ATF7IP: variants seen among roughly 807,000 people sequenced by gnomAD.
ATF7IP encodes the protein activating transcription factor 7-interacting protein 1.
ATF7IP carries 23 observed loss-of-function variants against 106.4 expected under a neutral mutation model. The observed-to-expected ratio is 0.22, with a 90% CI of 0.16 to 0.31. ATF7IP has a LOEUF of 0.31. Ranked by LOEUF, ATF7IP falls within the 10% of genes least tolerant of loss-of-function variation. The pLI, the probability that ATF7IP is intolerant of heterozygous loss-of-function variation, is 1.00. For missense variants in ATF7IP, 1,334 were observed against 1,524.3 expected, an observed-to-expected ratio of 0.88 and a Z score of 2.08; for synonymous variants, 542 against 539.0, an observed-to-expected ratio of 1.01 and a Z score of -0.08.
chr12:14,473,286 C>CTGTATG (rs766915991), intron 10 of ATF7IP, among the ~76,000 whole-genome samples: 1 of 53,748 alleles, frequency 1.9e-5, no homozygotes, highest in East Asian at 5.0e-4. Flanking sequence ...CTCTCTCTCT[C>CTGTATG]TCTCTGTGTG....
At chr12:14,438,556 A>G (rs534177396) in intron 5 of ATF7IP, among the ~76,000 whole-genome samples, 11 of 152,290 alleles carry the variant, frequency 7.2e-5, no homozygotes, top group Admixed American at 4.6e-4. Flanking sequence ...AATCTGTTCT[A>G]TGCCTTTACT....
In ATF7IP at chr12:14,478,599, T is replaced by C. The variant is rs564396145; in HGVS notation, c.3097+127T>C. 4 of 1,078,118 alleles carry C rather than the reference T, an allele frequency of 3.7e-6. No individual in the cohort carries two copies. The South Asian group carries it at 6.9e-5, about 19-fold the overall frequency. 66.8% of individuals were successfully genotyped at this position (1,078,118 alleles called of 1,614,324 possible). Reference sequence around the variant, plus strand: ...TTGTTAATTTGAGGACTACAGTGCATGTCCTTTTGAAGGCAGTATAACTTA... The same window carrying C: ...TTGTTAATTTGAGGACTACAGTGCACGTCCTTTTGAAGGCAGTATAACTTA... On this transcript the variant is annotated intron_variant, in intron 12 of 14. Coordinates refer to ENST00000261168, the MANE Select transcript of ATF7IP (RefSeq NM_018179.5).
chr12:14,477,035 A>G (rs1944284813), intron 11 of ATF7IP, among the ~76,000 whole-genome samples: 1 of 152,214 alleles, frequency 6.6e-6, no homozygotes, highest in South Asian at 2.1e-4. Flanking sequence ...GATTTAAGAT[A>G]TAAAGTATTT....
At chr12:14,368,983 T>C (rs926287305) in intron 1 of ATF7IP, among the ~76,000 whole-genome samples, 2 of 152,138 alleles carry the variant, frequency 1.3e-5, no homozygotes, top group East Asian at 1.9e-4. Context: ...AGGATCTTGC[T>C]CTGCTGCGCA....
At chr12:14,467,939 A>T (rs764252284) in intron 10 of ATF7IP, among the ~76,000 whole-genome samples, 1 of 152,202 alleles carries the variant, frequency 6.6e-6, no homozygotes, top group Admixed American at 6.5e-5. Context: ...AAAAAGTTGT[A>T]TTAAACTCTA....
intron 3 of ATF7IP, among the ~76,000 whole-genome samples, chr12:14,434,909 G>A (rs879568072): frequency 2.0e-5 from 3 of 152,082 alleles, no homozygotes; most frequent in Non-Finnish European, 4.4e-5. Flanking sequence ...GACATAGCAA[G>A]AACCTGTCTC....
intron 9 of ATF7IP, among the ~76,000 whole-genome samples, chr12:14,463,311 A>T (rs1331129286): frequency 6.6e-6 from 1 of 152,172 alleles, no homozygotes; most frequent in Non-Finnish European, 1.5e-5. Flanking sequence ...TGGATTTTAA[A>T]TCACTATTTT....
rs926600241 is a variant in ATF7IP, at chr12:14,496,733, A to G, written c.3393+390A>G. ...CATTGTCATCAATTAATTGTTCTAA[A>G]GAATCCAATGATATTGGGAATTCAT... On this transcript the variant is annotated intron_variant, in intron 14 of 14. Coordinates refer to ENST00000261168, the MANE Select transcript of ATF7IP (RefSeq NM_018179.5). Among the ~76,000 whole-genome samples, 3 of 152,368 alleles carry G rather than the reference A, an allele frequency of 2.0e-5. No homozygotes were observed. The East Asian group carries it at 5.8e-4, about 29-fold the overall frequency.
chr12:14,491,340 A>G (rs1308601759), intron 13 of ATF7IP, among the ~76,000 whole-genome samples: 1 of 152,188 alleles, frequency 6.6e-6, no homozygotes, highest in Non-Finnish European at 1.5e-5. Context: ...GAAAGGGCCA[A>G]AGGCAGCAAC....
rs764897506 is a variant in ATF7IP at position 14,496,278 on chromosome 12, G to A, written c.3328G>A (p.Gly1110Arg). Residue 1110 changes from glycine to arginine, a missense_variant, in exon 14 of 15, where the codon GGA (glycine) becomes AGA (arginine). Physicochemically the swap from Gly to Arg is moderately radical, Grantham distance 125. Transcript: ENST00000261168. ...PQTTTYVVNN[G>R]LTLGSTGPQL... The stretch of plus-strand genomic sequence containing the variant: ...AACAACCACATATGTTGTAAACAAT[G>A]GACTAACCCTGGGATCAACAGGACC... 6 of 1,613,886 alleles carry A rather than the reference G, an allele frequency of 3.7e-6. No individual in the cohort carries two copies. The South Asian group carries it at 6.6e-5, about 18-fold the overall frequency.
rs563954579 is a variant in ATF7IP at position 14,456,947 on chromosome 12, C to G, written c.2070-260C>G. On this transcript the variant is annotated intron_variant, in intron 7 of 14. Coordinates refer to ENST00000261168, the MANE Select transcript of ATF7IP (RefSeq NM_018179.5). ...GACTAATGTCTGTATATATTAGGACCTACTTTTGGTATTCAGGTTAAGTAC... is the reference window on the plus strand; with the variant it reads ...GACTAATGTCTGTATATATTAGGACGTACTTTTGGTATTCAGGTTAAGTAC... 4.6e-5 allele frequency among the ~76,000 whole-genome samples: 7 copies of G among 152,244 alleles called. No homozygotes were observed. In the South Asian group the frequency reaches 6.2e-4, roughly 14 times the overall value.
chr12:14,375,398 CTG>C (rs1278174924), intron 1 of ATF7IP, among the ~76,000 whole-genome samples: 2 of 151,960 alleles, frequency 1.3e-5, no homozygotes, highest in Non-Finnish European at 2.9e-5. Context: ...TAAAATATGA[CTG>C]TGAAGAACCT....
At chr12:14,472,179 A>G (rs1944073556) in intron 10 of ATF7IP, among the ~76,000 whole-genome samples, 1 of 152,148 alleles carries the variant, frequency 6.6e-6, no homozygotes, top group Admixed American at 6.6e-5. Flanking sequence ...TATCTGACTT[A>G]TTACCCTGCC....
At chr12:14,465,823 T>G (rs535729511) in intron 9 of ATF7IP, among the ~76,000 whole-genome samples, 1 of 151,958 alleles carries the variant, frequency 6.6e-6, no homozygotes, top group African/African-American at 2.4e-5. Flanking sequence ...ACCAAGAGGG[T>G]TTTATCTCCA....
chr12:14,481,265 T>C, intron 13 of ATF7IP, 80 bp downstream of exon 13: 1 of 1,498,466 alleles, frequency 6.7e-7, no homozygotes, highest in East Asian at 2.3e-5. Context: ...TATAATAATG[T>C]TAAATTTTGC....
At chr12:14,414,222 A>G (rs1404392002) in intron 1 of ATF7IP, among the ~76,000 whole-genome samples, 2 of 152,198 alleles carry the variant, frequency 1.3e-5, no homozygotes, top group Non-Finnish European at 2.9e-5. Context: ...AGAGGATTAT[A>G]TGTCCCTACC....
Position 14,420,956 on chromosome 12 carries a change from C to T in ATF7IP, c.-7-2953C>T, listed in dbSNP as rs556840942. On this transcript the variant is annotated intron_variant, in intron 1 of 14. Transcript: ENST00000261168. The stretch of plus-strand genomic sequence containing the variant: ...AATGTGAAAACAGTATTCCTGCCTC[C>T]TGTACATCTTAGTCCTTAAAGCAAT... Among the ~76,000 whole-genome samples, 23 of 152,330 alleles carry T rather than the reference C, an allele frequency of 1.5e-4. No homozygotes were observed. The South Asian group carries it at 4.8e-3, about 32-fold the overall frequency.
chr12:14,413,068 C>G (rs1306273542), intron 1 of ATF7IP, among the ~76,000 whole-genome samples: 2 of 152,176 alleles, frequency 1.3e-5, no homozygotes, highest in African/African-American at 4.8e-5. Flanking sequence ...CCTAATTCTC[C>G]TGGCTAGAAC....
At chr12:14,481,242 A>G (rs1387961904) in intron 13 of ATF7IP, 57 bp downstream of exon 13, 1 of 1,584,670 alleles carries the variant, frequency 6.3e-7, no homozygotes, top group South Asian at 1.1e-5. Flanking sequence ...TTCAGCATTT[A>G]GTTGGAATGG....
Sources: allele counts gnomAD v4.1 joint callset (sites outside exome capture counted in the v4.1 genomes callset), GRCh38; gene constraint gnomAD v4.1.1; transcripts MANE v1.5; gene names NCBI Gene and HGNC (gene_info 2026-07-23, HGNC 2026-07-21).